The following VWA8 variants were observed in gnomAD, a reference collection of about 807,000 sequenced individuals.
VWA8 encodes von Willebrand factor A domain-containing protein 8.
VWA8 carries 221 observed loss-of-function variants against 241.5 expected under a neutral mutation model. The observed-to-expected ratio is 0.91, with a 90% confidence interval of 0.82 to 1.02. VWA8 has a LOEUF of 1.02. Ranked by LOEUF, VWA8 falls within the 50% of genes least tolerant of loss-of-function variation. The probability of loss-of-function intolerance (pLI) is 0.00; values close to 1 mark genes in which losing one functional copy is unlikely to be tolerated. For synonymous variants in VWA8, 852 were observed against 827.1 expected (o/e 1.03, Z -0.52); for missense variants, 2,322 against 2,328.7 (o/e 1.00, Z 0.06).
chr13:41,746,561 G>T (rs534238330), intron 21 of VWA8, among the ~76,000 whole-genome samples: 2 of 152,258 alleles, frequency 1.3e-5, no homozygotes, highest in East Asian at 3.9e-4. Context: ...ATCATCTAAA[G>T]GACCACAGGA....
intron 42 of VWA8, among the ~76,000 whole-genome samples, chr13:41,585,863 T>TAAAAA (rs5803094): frequency 9.7e-6 from 1 of 102,642 alleles, no homozygotes; most frequent in Non-Finnish European, 2.0e-5. Context: ...GACACCGTCT[T>TAAAAA]AAAAAAAAAA....
rs556153150 is a variant in VWA8, at chr13:41,815,760, G to A, written c.1947+938C>T. Among the ~76,000 whole-genome samples, 4 of 152,276 alleles carry A rather than the reference G, an allele frequency of 2.6e-5. No individual in the cohort carries two copies. In the South Asian group the frequency reaches 8.3e-4, roughly 32 times the overall value. On this transcript the variant is annotated intron_variant, in intron 16 of 44. Transcript: ENST00000379310. ...TGGTAACTTGTTACAATAGCAACAG[G>A]AAATTACTAGAGAGTCATATGATGA...
chr13:41,677,401 CAG>C (rs1441442927), intron 35 of VWA8, among the ~76,000 whole-genome samples: 1 of 152,192 alleles, frequency 6.6e-6, no homozygotes, highest in Non-Finnish European at 1.5e-5. Context: ...TTAGTCTTCA[CAG>C]AGAGTGCTTC....
At chr13:41,809,828 T>C (rs2137972337) in intron 17 of VWA8, among the ~76,000 whole-genome samples, 1 of 152,116 alleles carries the variant, frequency 6.6e-6, no homozygotes, top group South Asian at 2.1e-4. Flanking sequence ...ACCCACAGAA[T>C]GGGAAAAAAT....
chr13:41,708,163 G>T (rs1331174867), intron 26 of VWA8, among the ~76,000 whole-genome samples: 1 of 152,130 alleles, frequency 6.6e-6, no homozygotes, highest in East Asian at 1.9e-4. Context: ...TTCGAGACCA[G>T]CCTGACCAAC....
intron 22 of VWA8, among the ~76,000 whole-genome samples, chr13:41,730,223 A>T (rs2045471623): frequency 6.6e-6 from 1 of 152,198 alleles, no homozygotes; most frequent in Non-Finnish European, 1.5e-5. Context: ...GAAATGAGTG[A>T]CTATGAACAG....
intron 4 of VWA8, among the ~76,000 whole-genome samples, chr13:41,906,287 C>A (rs541385716): frequency 3.7e-4 from 56 of 152,194 alleles, no homozygotes; most frequent in African/African-American, 1.3e-3. Flanking sequence ...ATGTAAAGAA[C>A]TACGAAAGTC....
At chr13:41,651,316 T>G (rs918389138) in intron 37 of VWA8, among the ~76,000 whole-genome samples, 11 of 152,246 alleles carry the variant, frequency 7.2e-5, no homozygotes, top group African/African-American at 2.4e-4. Context: ...TGTAAATTGC[T>G]TTGGACAGTA....
intron 2 of VWA8, among the ~76,000 whole-genome samples, chr13:41,930,703 T>C (rs1039125896): frequency 1.3e-5 from 2 of 152,190 alleles, no homozygotes; most frequent in African/African-American, 4.8e-5. Flanking sequence ...AGGCTACGTG[T>C]ATAAGATATA....
At chr13:41,636,169 T>G (rs2044755412) in intron 37 of VWA8, among the ~76,000 whole-genome samples, 1 of 152,192 alleles carries the variant, frequency 6.6e-6, no homozygotes, top group South Asian at 2.1e-4. Flanking sequence ...GGCATCATGC[T>G]ACCTGACTTC....
chr13:41,711,651 G>A (rs1164784224), intron 26 of VWA8, among the ~76,000 whole-genome samples: 1 of 152,166 alleles, frequency 6.6e-6, no homozygotes, highest in Non-Finnish European at 1.5e-5. Context: ...AAGGCGGGCA[G>A]ATCACGAGGT....
intron 38 of VWA8, among the ~76,000 whole-genome samples, chr13:41,614,524 T>C (rs957667954): frequency 6.6e-6 from 1 of 152,200 alleles, no homozygotes; most frequent in Non-Finnish European, 1.5e-5. Context: ...ACAAGGACCA[T>C]TTCTTTTCAG....
chr13:41,782,140 G>A (rs1593768423), intron 19 of VWA8, among the ~76,000 whole-genome samples: 1 of 152,190 alleles, frequency 6.6e-6, no homozygotes, highest in African/African-American at 2.4e-5. Flanking sequence ...GGTACGTTTG[G>A]AGACAGCTTA....
At chr13:41,774,805 A>T (rs1384253311) in intron 20 of VWA8, among the ~76,000 whole-genome samples, 1 of 152,216 alleles carries the variant, frequency 6.6e-6, no homozygotes, top group Non-Finnish European at 1.5e-5. Context: ...ATAACTATTT[A>T]CTCAGTATCA....
At chr13:41,595,365 T>A (rs1434765552) in intron 40 of VWA8, among the ~76,000 whole-genome samples, 1 of 152,156 alleles carries the variant, frequency 6.6e-6, no homozygotes, top group Non-Finnish European at 1.5e-5. Flanking sequence ...TTCCAATAAA[T>A]CTGCTGCCTT....
intron 34 of VWA8, among the ~76,000 whole-genome samples, chr13:41,689,124 C>T (rs1280150816): frequency 6.6e-6 from 1 of 152,048 alleles, no homozygotes; most frequent in African/African-American, 2.4e-5. Flanking sequence ...ATACTCATTT[C>T]CCCCTACTAA....
At chr13:41,760,837 C>T (rs545962127) in intron 21 of VWA8, among the ~76,000 whole-genome samples, 17 of 152,010 alleles carry the variant, frequency 1.1e-4, no homozygotes, top group Non-Finnish European at 2.2e-4. Flanking sequence ...ACATGTTTTT[C>T]TTCTAACTTA....
intron 17 of VWA8, among the ~76,000 whole-genome samples, chr13:41,798,212 T>C (rs1200600447): frequency 1.3e-5 from 2 of 152,226 alleles, no homozygotes; most frequent in African/African-American, 4.8e-5. Flanking sequence ...ATATTGGTAT[T>C]CATTTTTATT....
chr13:41,886,272 C>T (rs1358947320), intron 7 of VWA8, among the ~76,000 whole-genome samples: 1 of 152,084 alleles, frequency 6.6e-6, no homozygotes. Context: ...TCTACCCTGC[C>T]AGCCTCATCT....
Sources: gnomAD v4.1 joint callset for allele counts (sites outside exome capture counted in the v4.1 genomes callset) on GRCh38, gnomAD v4.1.1 for gene constraint, MANE v1.5 for transcripts, NCBI Gene and HGNC (gene_info 2026-07-23, HGNC 2026-07-21) for gene names.